SCAP: variants seen among roughly 807,000 people sequenced by gnomAD.
The protein encoded by SCAP is SREBF chaperone, also known as sterol regulatory element-binding protein cleavage-activating protein.
SCAP carries 65 observed loss-of-function variants against 123.6 expected under a neutral mutation model. The ratio of observed to expected loss-of-function variants is 0.53; its 90% CI spans 0.43 to 0.65. SCAP has a LOEUF of 0.65. Among genes scored for constraint, SCAP ranks in the 30% least tolerant of loss-of-function variants. The pLI is 0.00. For synonymous variants in SCAP, 740 were observed against 726.3 expected (o/e 1.02, Z -0.30); for missense variants, 1,398 against 1,712.5 (o/e 0.82, Z 3.24).
chr3:47,417,755 C>G lies in SCAP; in HGVS notation c.2519G>C (p.Gly840Ala), dbSNP rs766321275. Residue 840 changes from glycine to alanine, a missense_variant, in exon 17 of 23, where the codon GGT becomes GCT. Gly to Ala is a moderately conservative substitution (Grantham distance 60). Transcript: ENST00000265565. ...AQESWERLSD[G>A]GKAGPEEPGD... is the part of the protein sequence containing the mutation. ...AGGCTCCTCTGGACCAGCCTTCCCA[C>G]CATCTGAAAGTCGTTCCCAGCTCTC... The G allele has an allele frequency of 6.2e-7, 1 of 1,603,460 alleles. No homozygotes were observed. Among genetic ancestry groups the G allele is most frequent in the Non-Finnish European group, 8.5e-7 (1 of 1,176,868 alleles).
intron 18 of SCAP, 131 bp downstream of exon 18, chr3:47,416,991 G>A (rs1705608959): frequency 1.3e-6 from 1 of 770,064 alleles, no homozygotes; most frequent in Non-Finnish European, 2.1e-6. Flanking sequence ...CAGGTGTGGA[G>A]CTGGGCACCA....
rs577957837 is a variant in SCAP at position 47,424,608 on chromosome 3, C to T, written c.1038-563G>A. Among the ~76,000 whole-genome samples the T allele has an allele frequency of 7.9e-5, 12 of 152,344 alleles. 1 individual carries two copies. The South Asian group carries it at 8.3e-4, about 11-fold the overall frequency. ...CCTAAGAAAGTCTATGTGCGAGGAA[C>T]GCCAGCCAAGTTATACCTTGCAGGA... On this transcript the variant is annotated intron_variant, in intron 8 of 22. Coordinates refer to ENST00000265565, the MANE Select transcript of SCAP (RefSeq NM_012235.4).
rs139280167 is a variant in SCAP, at chr3:47,474,782, G to A, written c.-99+1017C>T. Among the ~76,000 whole-genome samples the A allele has an allele frequency of 7.9e-4, 120 of 152,282 alleles. 4 individuals are homozygous for A. The East Asian group carries it at 0.02, about 26-fold the overall frequency. ...ACTGCACTCCAGCCTGGGAGACAGA[G>A]TGAGACCCTGTCTCCAAACAAACAA... On this transcript the variant is annotated intron_variant, in intron 1 of 22. Coordinates refer to ENST00000265565, the MANE Select transcript of SCAP (RefSeq NM_012235.4).
chr3:47,433,331 A>G (rs1056258499), intron 3 of SCAP, among the ~76,000 whole-genome samples: 2 of 152,124 alleles, frequency 1.3e-5, no homozygotes, highest in African/African-American at 4.8e-5. Context: ...TCTCCTTCTC[A>G]ATCCTGCAGG....
Position 47,421,090 on chromosome 3 carries a change from G to A in SCAP, c.1246-61C>T, listed in dbSNP as rs1176036299. On this transcript the variant is annotated intron_variant, in intron 10 of 22. Transcript: ENST00000265565. ...TGACCTCACTGTCCCAGCCCAAGAG[G>A]AGCAGTACCCGGACTGCAGCCACCT... 9.4e-6 allele frequency: 13 copies of A among 1,387,984 alleles called. No individual in the cohort carries two copies. The South Asian group carries it at 1.3e-4, about 14-fold the overall frequency. 86.0% of individuals were successfully genotyped at this position (1,387,984 alleles called of 1,614,324 possible).
chr3:47,414,625 G>C lies in SCAP; in HGVS notation c.3334C>G (p.Leu1112Val). Reference protein sequence around the residue: ...RVFRLEDSCCLFTLQGHSGAI... With the variant: ...RVFRLEDSCCVFTLQGHSGAI... ...CCTGAGTGGCCCTGAAGGGTGAAGA[G>C]GCAGCACGAGTCCTCCAGACGGAAC... Residue 1112 changes from leucine to valine, a missense_variant, in exon 21 of 23, where the codon CTC becomes GTC. Leu to Val is a conservative substitution (Grantham distance 32). This residue lies in a region of SCAP where 44 missense variants were observed against 64.4 expected (regional missense o/e 0.68). Coordinates refer to ENST00000265565, the MANE Select transcript of SCAP (RefSeq NM_012235.4). 1 of 1,613,394 alleles carries C rather than the reference G, an allele frequency of 6.2e-7. No individual in the cohort carries two copies. The highest frequency in any genetic ancestry group is 1.3e-5 in the African/African-American group (1 of 75,074).
At chr3:47,421,289 C>A (rs1056222364) in intron 10 of SCAP, 3 of 471,360 alleles carry the variant, frequency 6.4e-6, no homozygotes, top group Non-Finnish European at 1.2e-5. Context: ...CCTGAATCTT[C>A]CGGTCCCTCT....
intron 1 of SCAP, among the ~76,000 whole-genome samples, chr3:47,466,100 T>G (rs920121391): frequency 7.5e-6 from 1 of 133,964 alleles, no homozygotes; most frequent in African/African-American, 2.9e-5. Flanking sequence ...GTCACTGCAC[T>G]CCAGCCTGAC....
intron 1 of SCAP, among the ~76,000 whole-genome samples, chr3:47,470,708 A>G (rs1287595956): frequency 6.6e-6 from 1 of 152,172 alleles, no homozygotes; most frequent in Non-Finnish European, 1.5e-5. Context: ...TAAAAGTACA[A>G]AAACTAGCCA....
intron 3 of SCAP, among the ~76,000 whole-genome samples, chr3:47,431,752 C>T (rs142390763): frequency 6.6e-6 from 1 of 152,242 alleles, no homozygotes; most frequent in African/African-American, 2.4e-5. Context: ...CTGCTTTAAC[C>T]CCAATCACTT....
At position 47,425,556 on chromosome 3, in the gene SCAP, T is replaced by C. The variant is rs781689777; in HGVS notation, c.966A>G (p.Thr322=). The C allele has an allele frequency of 6.2e-7, 1 of 1,614,132 alleles. No individual in the cohort carries two copies. The highest frequency in any genetic ancestry group is 8.5e-7 in the Non-Finnish European group (1 of 1,180,046). Residue 322 remains threonine, a synonymous_variant, in exon 8 of 23, where the codon ACA becomes ACG. Coordinates refer to ENST00000265565, the MANE Select transcript of SCAP (RefSeq NM_012235.4). ...CAGACATGAGCAGCGAGCTGAGCAC[T>C]GTGACCACGGCAGCCAGGGCCAGCC... ...KWGLALAAVV[T]VLSSLLMSVG...
At chr3:47,455,710 T>C (rs1707399642) in intron 1 of SCAP, among the ~76,000 whole-genome samples, 1 of 150,928 alleles carries the variant, frequency 6.6e-6, no homozygotes, top group Non-Finnish European at 1.5e-5. Flanking sequence ...GAAAAGTCAA[T>C]ATAACGTAAC....
intron 2 of SCAP, among the ~76,000 whole-genome samples, chr3:47,440,386 A>G (rs1706746495): frequency 6.6e-6 from 1 of 152,172 alleles, no homozygotes; most frequent in South Asian, 2.1e-4. Context: ...TTTTCTGGCC[A>G]AGTCCCAGAA....
Position 47,425,985 on chromosome 3 carries a change from C to A in SCAP, c.910+12G>T. 1 of 1,613,912 alleles carries A rather than the reference C, an allele frequency of 6.2e-7. No individual in the cohort carries two copies. Reference sequence around the variant, plus strand: ...TTGGAGAAAGCCCTCAGCCTCCCTGCCATGAACCTACGCGTGGAGAAGTAG... The same window carrying A: ...TTGGAGAAAGCCCTCAGCCTCCCTGACATGAACCTACGCGTGGAGAAGTAG... On this transcript the variant is annotated intron_variant, in intron 7 of 22. Coordinates refer to ENST00000265565, the MANE Select transcript of SCAP (RefSeq NM_012235.4).
At chr3:47,423,184 C>T (rs1395603373) in intron 9 of SCAP, among the ~76,000 whole-genome samples, 2 of 152,152 alleles carry the variant, frequency 1.3e-5, no homozygotes, top group South Asian at 2.1e-4. Context: ...CATGGGGTGA[C>T]GAGGAAGAAG....
chr3:47,432,378 C>T (rs1706399312), intron 3 of SCAP, among the ~76,000 whole-genome samples: 1 of 150,376 alleles, frequency 6.6e-6, no homozygotes, highest in Admixed American at 6.6e-5. Flanking sequence ...TGCTCTAGCA[C>T]TGACCACTGG....
At chr3:47,423,816 G>C in intron 9 of SCAP, 117 bp downstream of exon 9, 1 of 742,132 alleles carries the variant, frequency 1.3e-6, no homozygotes, top group Non-Finnish European at 2.3e-6. Context: ...TATGCCGGAG[G>C]CAAGAGCAAG....
intron 7 of SCAP, 141 bp downstream of exon 7, chr3:47,425,856 G>A: frequency 9.7e-7 from 1 of 1,029,918 alleles, no homozygotes; most frequent in Admixed American, 2.5e-5. Context: ...ACCCTGCTGG[G>A]GGACAAAGCC....
At chr3:47,455,548 T>C (rs1467460610) in intron 1 of SCAP, among the ~76,000 whole-genome samples, 1 of 146,134 alleles carries the variant, frequency 6.8e-6, no homozygotes, top group Non-Finnish European at 1.5e-5. Flanking sequence ...TGAGCCGGGA[T>C]TGCACCACTG....
Sources: allele counts gnomAD v4.1 joint callset (sites outside exome capture counted in the v4.1 genomes callset), GRCh38; gene constraint gnomAD v4.1.1; regional missense constraint gnomAD v4.1.1; transcripts MANE v1.5; gene names NCBI Gene and HGNC (gene_info 2026-07-23, HGNC 2026-07-21).